Variants in RPH3A observed in about 807,000 individuals in gnomAD.
The protein encoded by RPH3A is rabphilin-3A.
In RPH3A, 48 loss-of-function variants were observed where a neutral mutation model predicts 102.2. The observed-to-expected ratio is 0.47, with a 90% CI of 0.37 to 0.60. RPH3A has a LOEUF of 0.60. RPH3A is among the 20% of genes least tolerant of loss of function. RPH3A has a pLI of 0.00. For missense variants in RPH3A, 781 were observed against 910.1 expected (o/e 0.86, Z 1.83); for synonymous variants, 310 against 324.3 (o/e 0.96, Z 0.47).
chr12:112,836,337 C>T (rs1216465421), intron 3 of RPH3A, among the ~76,000 whole-genome samples, 154 bp from the exon 4 acceptor site: 1 of 152,134 alleles, frequency 6.6e-6, no homozygotes, highest in Non-Finnish European at 1.5e-5. Context: ...GTTAGATATG[C>T]TGAAATAAGG....
chr12:112,803,389 C>T (rs1328979306), intron 2 of RPH3A, among the ~76,000 whole-genome samples: 4 of 152,050 alleles, frequency 2.6e-5, no homozygotes, highest in Admixed American at 1.3e-4. Context: ...TGTCCATGTG[C>T]TTCTTCATGG....
At chr12:112,659,981 C>A (rs554407538) in intron 1 of RPH3A, among the ~76,000 whole-genome samples, 2 of 152,252 alleles carry the variant, frequency 1.3e-5, no homozygotes, top group East Asian at 1.9e-4. Flanking sequence ...TTTTTAGAAG[C>A]TAGGATCTGG....
intron 1 of RPH3A, among the ~76,000 whole-genome samples, chr12:112,655,982 G>A (rs183561026): frequency 2.8e-4 from 43 of 152,272 alleles, no homozygotes; most frequent in South Asian, 4.2e-4. Flanking sequence ...CTTGCCTAGT[G>A]AGCAACAACC....
At chr12:112,711,466 T>C (rs1486104827) in intron 1 of RPH3A, among the ~76,000 whole-genome samples, 2 of 152,208 alleles carry the variant, frequency 1.3e-5, no homozygotes, top group Non-Finnish European at 2.9e-5. Context: ...GTTGAAATGA[T>C]AGCAATGCAA....
intron 2 of RPH3A, among the ~76,000 whole-genome samples, chr12:112,818,862 C>T (rs1206459752): frequency 6.6e-6 from 1 of 152,106 alleles, no homozygotes; most frequent in Non-Finnish European, 1.5e-5. Context: ...CAGGCTTAAG[C>T]AAACACCTAG....
intron 1 of RPH3A, among the ~76,000 whole-genome samples, chr12:112,722,321 T>G (rs1365148611): frequency 6.6e-6 from 1 of 152,242 alleles, no homozygotes; most frequent in Non-Finnish European, 1.5e-5. Flanking sequence ...TGAGACTAAA[T>G]GGGCATGGGC....
At chr12:112,837,885 CCCTCCCTCCTTT>C in intron 4 of RPH3A, 1 of 449,390 alleles carries the variant, frequency 2.2e-6, no homozygotes. Flanking sequence ...CTTCCCCCCT[CCCTCCCTCCTTT>C]CCTCCCTCCC....
intron 1 of RPH3A, among the ~76,000 whole-genome samples, chr12:112,782,665 T>C (rs1449502831): frequency 2.6e-5 from 4 of 152,242 alleles, no homozygotes; most frequent in Non-Finnish European, 5.9e-5. Flanking sequence ...ACTGTATTTA[T>C]GAATGGAGTC....
intron 1 of RPH3A, among the ~76,000 whole-genome samples, chr12:112,701,723 G>C (rs1035103935): frequency 2.6e-5 from 4 of 152,154 alleles, no homozygotes; most frequent in African/African-American, 9.7e-5. Flanking sequence ...GTGGTTCAAG[G>C]CCTTGAGACA....
At chr12:112,852,104 G>C (rs189307257) in intron 5 of RPH3A, among the ~76,000 whole-genome samples, 30 of 152,276 alleles carry the variant, frequency 2.0e-4, no homozygotes, top group African/African-American at 7.0e-4. Context: ...CAGTGGTTGG[G>C]CTGGGCTGGA....
At chr12:112,847,652 A>G (rs879718482) in intron 4 of RPH3A, 44 bp from the exon 5 acceptor site, 25 of 1,597,582 alleles carry the variant, frequency 1.6e-5, no homozygotes, top group Non-Finnish European at 2.0e-5. Flanking sequence ...AATTTGAACT[A>G]CTATTTTCTG....
At chr12:112,607,665 T>C (rs936402767) in intron 1 of RPH3A, among the ~76,000 whole-genome samples, 1 of 152,216 alleles carries the variant, frequency 6.6e-6, no homozygotes, top group African/African-American at 2.4e-5. Context: ...CTTGAGGGAA[T>C]ACTTGTTCTG....
At chr12:112,748,069 C>T (rs898416379) in intron 1 of RPH3A, among the ~76,000 whole-genome samples, 4 of 152,188 alleles carry the variant, frequency 2.6e-5, no homozygotes, top group African/African-American at 9.7e-5. Flanking sequence ...TGCAGTCCAG[C>T]GTGTGCCCTG....
In RPH3A at chr12:112,808,353, C is replaced by T. The variant is rs142405806; in HGVS notation, c.-19+16090C>T. 5.9e-4 allele frequency among the ~76,000 whole-genome samples: 90 copies of T among 152,348 alleles called. No individual in the cohort carries two copies. The South Asian group carries it at 0.017, about 29-fold the overall frequency. ...ATCAACATTACCTCAGCCCCAGCCG[C>T]GGCAGCTGGTGGAGCGGCAGGCTTA... On this transcript the variant is annotated intron_variant, in intron 2 of 21. Coordinates refer to ENST00000389385, the MANE Select transcript of RPH3A (RefSeq NM_001143854.2).
rs2041113786 is a variant in RPH3A, at chr12:112,791,867, G to GGAGAGAGAGAGAGAGAGCGAGAGAGA, written c.-268_-267insCGAGAGAGAGAGAGAGAGAGAGAGAG. 2.1e-5 allele frequency: 1 copy of GGAGAGAGAGAGAGAGAGCGAGAGAGA among 48,484 alleles called. No individual in the cohort carries two copies. The highest frequency in any genetic ancestry group is 9.6e-5 in the African/African-American group (1 of 10,408). The allele number at this position is 48,484 out of a possible 1,614,324, so 3.0% of individuals were successfully genotyped here. A position where few individuals can be genotyped will look rare whatever the true frequency, so the allele number is the denominator to read the frequency against. The stretch of plus-strand genomic sequence containing the variant: ...CGCGGACTGGAAAGGAAGGGAGAAG[G>GGAGAGAGAGAGAGAGAGCGAGAGAGA]GAGAGAGAGAGAGAGAGAGAGAGAG... On this transcript the variant is annotated 5_prime_UTR_variant, in exon 1 of 22. Transcript: ENST00000389385.
intron 1 of RPH3A, among the ~76,000 whole-genome samples, chr12:112,608,156 C>T (rs1385557804): frequency 1.3e-5 from 2 of 148,886 alleles, no homozygotes; most frequent in East Asian, 3.9e-4. Flanking sequence ...CGCTCTGTTT[C>T]CCAGGCTGGA....
In RPH3A at chr12:112,732,045, T is replaced by C. The variant is rs145906623; in HGVS notation, c.-139-60098T>C. Among the ~76,000 whole-genome samples the C allele has an allele frequency of 4.6e-3, 700 of 152,360 alleles. 6 individuals carry two copies. Among genetic ancestry groups the C allele is most frequent in the African/African-American group, 0.016 (656 of 41,572 alleles). On this transcript the variant is annotated intron_variant, in intron 1 of 21. Coordinates refer to the RPH3A transcript ENST00000543106. Reference sequence around the variant, plus strand: ...TGATTAAACATCCTTTTAAACTCATTATCAGCTCAGCAATGACTTCTTTCA... The same window carrying C: ...TGATTAAACATCCTTTTAAACTCATCATCAGCTCAGCAATGACTTCTTTCA...
intron 1 of RPH3A, among the ~76,000 whole-genome samples, chr12:112,705,928 T>TTGAGTCA (rs1254723150): frequency 6.6e-6 from 1 of 152,206 alleles, no homozygotes; most frequent in African/African-American, 2.4e-5. Flanking sequence ...ATTCAATGGC[T>TTGAGTCA]ATGACTTGAG....
chr12:112,811,536 C>T (rs1056641640), intron 2 of RPH3A, among the ~76,000 whole-genome samples: 7 of 149,502 alleles, frequency 4.7e-5, no homozygotes, highest in Admixed American at 1.3e-4. Context: ...GAACCCCCCC[C>T]CCAAAAAAAA....
Sources: gnomAD v4.1 joint callset for allele counts (sites outside exome capture counted in the v4.1 genomes callset) on GRCh38, gnomAD v4.1.1 for gene constraint, MANE v1.5 for transcripts, NCBI Gene and HGNC (gene_info 2026-07-23, HGNC 2026-07-21) for gene names.